Variants in UNC79 observed in about 807,000 individuals in gnomAD.
UNC79 encodes the protein protein unc-79 homolog.
In UNC79, 37 loss-of-function variants were observed where a neutral mutation model predicts 283.1. The observed-to-expected ratio is 0.13, with a 90% CI of 0.10 to 0.17. The LOEUF is 0.17. UNC79 is among the 10% of genes least tolerant of loss of function. The pLI is 1.00. For synonymous variants in UNC79, 1,107 were observed against 1,200.2 expected (o/e 0.92, Z 1.61); for missense variants, 2,272 against 3,211.1 (o/e 0.71, Z 7.07).
intron 1 of UNC79, among the ~76,000 whole-genome samples, chr14:93,396,808 T>TGTGTGTGTGTGTGTGTGTGTG (rs58471175): frequency 6.9e-6 from 1 of 145,956 alleles, no homozygotes; most frequent in Non-Finnish European, 1.5e-5. Context: ...TGTGTGTGTG[T>TGTGTGTGTGTGTGTGTGTGTG]TGTGGCATGC....
At chr14:93,600,864 T>C in intron 25 of UNC79, 94 bp downstream of exon 25, 1 of 1,391,004 alleles carries the variant, frequency 7.2e-7, no homozygotes, top group Non-Finnish European at 9.8e-7. Context: ...TTAATTCCTC[T>C]ACAGAGGATG....
At chr14:93,615,720 C>CAAAA (rs1158073507) in intron 27 of UNC79, among the ~76,000 whole-genome samples, 95 of 23,300 alleles carry the variant, frequency 4.1e-3, no homozygotes, top group Non-Finnish European at 6.8e-3. Flanking sequence ...GACTCCATCT[C>CAAAA]AAAAAAAAAA....
chr14:93,462,365 T>A (rs1228375923), intron 1 of UNC79, among the ~76,000 whole-genome samples: 2 of 152,124 alleles, frequency 1.3e-5, no homozygotes, highest in Non-Finnish European at 2.9e-5. Context: ...GTCACGACGT[T>A]AGGTTGGAAG....
At chr14:93,655,202 G>C in intron 37 of UNC79, 32 bp from the exon 41 acceptor site, 1 of 1,607,494 alleles carries the variant, frequency 6.2e-7, no homozygotes, top group Non-Finnish European at 8.5e-7. Context: ...TGCTGTTTCA[G>C]CAGTTGATGG....
intron 7 of UNC79, among the ~76,000 whole-genome samples, chr14:93,516,412 T>C (rs1301163463): frequency 7.0e-6 from 1 of 143,518 alleles, no homozygotes; most frequent in African/African-American, 2.6e-5. Context: ...ACTATCAGTT[T>C]GTAATTTCTA....
rs370987876 is a variant in UNC79 at position 93,430,894 on chromosome 14, C to A, written c.-136C>A. On this transcript the variant is annotated 5_prime_UTR_variant, in exon 1 of 49. Coordinates refer to ENST00000555664, the Ensembl canonical transcript of UNC79. This position sits in a 1 kb window ranked among gnomAD's most constrained non-coding sequence, Gnocchi z 4.6. ...GCGTTTTGTCCGAATGGTAGCGACACGGGCCTAAGGGAGGGGGAAAGCGAG... is the reference window on the plus strand; with the variant it reads ...GCGTTTTGTCCGAATGGTAGCGACAAGGGCCTAAGGGAGGGGGAAAGCGAG... 8.5e-5 allele frequency: 46 copies of A among 538,840 alleles called. No individual in the cohort carries two copies. The highest frequency in any genetic ancestry group is 2.4e-4 in the Admixed American group (8 of 33,806). The allele number at this position is 538,840 out of a possible 1,614,324, so 33.4% of individuals were successfully genotyped here. A position where few individuals can be genotyped will look rare whatever the true frequency, so the allele number is the denominator to read the frequency against.
chr14:93,686,521 G>A lies in UNC79; in HGVS notation c.6820-51G>A, dbSNP rs747607447. 23 of 1,589,406 alleles carry A rather than the reference G, an allele frequency of 1.4e-5. No homozygotes were observed. The East Asian group carries it at 5.2e-4, about 36-fold the overall frequency. On this transcript the variant is annotated intron_variant, in intron 42 of 48. Transcript: ENST00000555664. ...GTGAAACCAGAGTGAGGCAATCATT[G>A]GAGTCAGGGCAAAAATGAAGGTGTG...
At chr14:93,451,798 G>T (rs559590914) in intron 1 of UNC79, among the ~76,000 whole-genome samples, 1 of 152,246 alleles carries the variant, frequency 6.6e-6, no homozygotes, top group Admixed American at 6.5e-5. Context: ...TTGGTTCTTG[G>T]CTTTGGAATC....
intron 26 of UNC79, among the ~76,000 whole-genome samples, chr14:93,606,464 C>A (rs2065896443): frequency 6.6e-6 from 1 of 152,162 alleles, no homozygotes; most frequent in Non-Finnish European, 1.5e-5. Context: ...TTACTGGACC[C>A]TGACTGTTTC....
chr14:93,458,520 T>G (rs1212792457), intron 1 of UNC79, among the ~76,000 whole-genome samples: 4 of 151,964 alleles, frequency 2.6e-5, no homozygotes, highest in Non-Finnish European at 5.9e-5. Flanking sequence ...AAATGAGTAC[T>G]GCAAATGATA....
intron 1 of UNC79, among the ~76,000 whole-genome samples, chr14:93,347,679 C>G (rs191598734): frequency 2.0e-5 from 3 of 152,122 alleles, no homozygotes; most frequent in Middle Eastern, 3.4e-3. Flanking sequence ...TTACCGGCAC[C>G]TGGCTCGGGG....
chr14:93,409,852 T>C (rs963650571), intron 1 of UNC79, among the ~76,000 whole-genome samples: 1 of 152,230 alleles, frequency 6.6e-6, no homozygotes, highest in Non-Finnish European at 1.5e-5. Flanking sequence ...TTTTAAAATA[T>C]AATTTGATAA....
chr14:93,553,843 T>C (rs2062019940), intron 14 of UNC79, among the ~76,000 whole-genome samples: 2 of 152,366 alleles, frequency 1.3e-5, no homozygotes, highest in South Asian at 4.1e-4. Flanking sequence ...GAGGACCTAC[T>C]ACACAAAATG....
At chr14:93,493,901 A>ATATAT (rs1251701550) in intron 5 of UNC79, among the ~76,000 whole-genome samples, 3 of 49,254 alleles carry the variant, frequency 6.1e-5, no homozygotes, top group Admixed American at 3.9e-4. Flanking sequence ...ATATATATAT[A>ATATAT]TTTTTTTTTT....
intron 22 of UNC79, 116 bp downstream of exon 22, chr14:93,587,024 TCGATTG>T: frequency 8.0e-7 from 1 of 1,257,774 alleles, no homozygotes; most frequent in South Asian, 1.7e-5. Flanking sequence ...CCAGGACAGC[TCGATTG>T]CCTATGATAA....
At chr14:93,509,762 G>T (rs540379112) in intron 7 of UNC79, among the ~76,000 whole-genome samples, 1 of 152,136 alleles carries the variant, frequency 6.6e-6, no homozygotes. Context: ...CTGGTGTTGA[G>T]TACCCGCAGC....
At chr14:93,365,672 C>G (rs1246157991) in intron 1 of UNC79, among the ~76,000 whole-genome samples, 2 of 152,022 alleles carry the variant, frequency 1.3e-5, no homozygotes, top group African/African-American at 2.4e-5. Flanking sequence ...AGTCAAAGAT[C>G]AAATTAGCTG....
chr14:93,697,898 A>G (rs1286132454), intron 47 of UNC79, among the ~76,000 whole-genome samples: 1 of 152,236 alleles, frequency 6.6e-6, no homozygotes, highest in African/African-American at 2.4e-5. Flanking sequence ...TCCTCTAAGC[A>G]CTGGTTTAGC....
chr14:93,414,477 T>C (rs538364323), intron 1 of UNC79, among the ~76,000 whole-genome samples: 1 of 152,336 alleles, frequency 6.6e-6, no homozygotes, highest in East Asian at 1.9e-4. Context: ...TCCAGCTTTG[T>C]TCTTTTGGCT....
Sources: allele counts gnomAD v4.1 joint callset (sites outside exome capture counted in the v4.1 genomes callset), GRCh38; gene constraint gnomAD v4.1.1; non-coding constraint Gnocchi (gnomAD v3.1); transcripts MANE v1.5; gene names NCBI Gene and HGNC (gene_info 2026-07-23, HGNC 2026-07-21).